The following CEP162 variants were observed in gnomAD, a reference collection of about 807,000 sequenced individuals.
CEP162 encodes centrosomal protein 162, also known as centrosomal protein of 162 kDa.
Under a neutral mutation model 169.2 loss-of-function variants are expected in CEP162, and 141 were observed. That is an observed-to-expected ratio of 0.83 (90% CI 0.73 to 0.96). CEP162 has a LOEUF of 0.96. CEP162 is among the 40% of genes least tolerant of loss of function. CEP162 has a pLI of 0.00. For synonymous variants in CEP162, 540 were observed against 526.4 expected, an observed-to-expected ratio of 1.03 and a Z score of -0.35; for missense variants, 1,600 against 1,587.2, an observed-to-expected ratio of 1.01 and a Z score of -0.14.
chr6:84,205,461 A>C (rs545071732), intron 6 of CEP162, among the ~76,000 whole-genome samples: 20 of 152,356 alleles, frequency 1.3e-4, no homozygotes, highest in Non-Finnish European at 2.6e-4. Flanking sequence ...AGAGCCAAAA[A>C]CAAAAACCAC....
intron 8 of CEP162, among the ~76,000 whole-genome samples, chr6:84,201,283 CAACAAACA>C (rs143611774): frequency 1.9e-4 from 29 of 151,374 alleles, no homozygotes; most frequent in African/African-American, 3.9e-4. Flanking sequence ...GTCTCACAAA[CAACAAACA>C]AACAAACAAA....
At chr6:84,179,254 T>G (rs1051142285) in intron 13 of CEP162, among the ~76,000 whole-genome samples, 1 of 152,158 alleles carries the variant, frequency 6.6e-6, no homozygotes, top group Admixed American at 6.6e-5. Flanking sequence ...CCACAATTGT[T>G]GAACTAGTTT....
chr6:84,134,286 G>A (rs1053098651), intron 25 of CEP162, among the ~76,000 whole-genome samples: 3 of 152,192 alleles, frequency 2.0e-5, no homozygotes, highest in Non-Finnish European at 4.4e-5. Context: ...ATCTTAGCTT[G>A]CTGGGCTCTG....
intron 6 of CEP162, among the ~76,000 whole-genome samples, chr6:84,212,390 T>C (rs965139731): frequency 1.3e-5 from 2 of 152,032 alleles, no homozygotes; most frequent in Admixed American, 6.5e-5. Context: ...AAGAAAAACG[T>C]TGACAAAAAT....
intron 21 of CEP162, among the ~76,000 whole-genome samples, chr6:84,159,836 C>T (rs1360192868): frequency 6.6e-6 from 1 of 151,798 alleles, no homozygotes; most frequent in Non-Finnish European, 1.5e-5. Flanking sequence ...CCTGCCTCTG[C>T]CTCCCAAAGT....
At chr6:84,143,047 T>C (rs542145664) in intron 25 of CEP162, among the ~76,000 whole-genome samples, 1 of 152,060 alleles carries the variant, frequency 6.6e-6, no homozygotes, top group Non-Finnish European at 1.5e-5. Flanking sequence ...GTTTTATGTT[T>C]GTAAAAAAAA....
chr6:84,176,187 T>A (rs1459167764), intron 13 of CEP162, among the ~76,000 whole-genome samples: 1 of 152,202 alleles, frequency 6.6e-6, no homozygotes, highest in African/African-American at 2.4e-5. Flanking sequence ...AGATGCTTTT[T>A]AAATGTAGAG....
rs746461034 is a variant in CEP162 at position 84,134,917 on chromosome 6, TATACAC to T, written c.3871-8411_3871-8406del. Among the ~76,000 whole-genome samples, 16 of 73,572 alleles carry T rather than the reference TATACAC, an allele frequency of 2.2e-4. No individual in the cohort carries two copies. In the East Asian group the frequency reaches 2.5e-3, roughly 11 times the overall value. The allele number at this position is 73,572 out of a possible 152,430, so 48.3% of individuals were successfully genotyped here. On this transcript the variant is annotated intron_variant, in intron 25 of 26. Transcript: ENST00000403245. Reference sequence around the variant, plus strand: ...TATATACTGTCATGAAAAGATCATATATACACACACACACACACACACACACACACA... The same window carrying T: ...TATATACTGTCATGAAAAGATCATATACACACACACACACACACACACACA...
At chr6:84,137,035 A>C (rs546164365) in intron 25 of CEP162, among the ~76,000 whole-genome samples, 2 of 152,354 alleles carry the variant, frequency 1.3e-5, no homozygotes, top group Non-Finnish European at 2.9e-5. Flanking sequence ...TGCAAGGATT[A>C]GTATAAGAGA....
intron 14 of CEP162, 49 bp downstream of exon 14, chr6:84,175,163 AAT>A: frequency 5.7e-6 from 7 of 1,238,500 alleles, no homozygotes; most frequent in Non-Finnish European, 7.7e-6. Flanking sequence ...ATTTAGTTTT[AAT>A]ATAATTTTAG....
chr6:84,214,032 A>C (rs1489798503), intron 5 of CEP162, among the ~76,000 whole-genome samples: 1 of 152,230 alleles, frequency 6.6e-6, no homozygotes, highest in Admixed American at 6.5e-5. Context: ...TAATCCCAGC[A>C]CTTTGGGAGG....
At chr6:84,211,454 G>A (rs899220090) in intron 6 of CEP162, among the ~76,000 whole-genome samples, 1 of 150,276 alleles carries the variant, frequency 6.7e-6, no homozygotes, top group Non-Finnish European at 1.5e-5. Flanking sequence ...ATGAGCCCGG[G>A]AGGCGGAGCT....
chr6:84,224,724 T>TA, intron 2 of CEP162, among the ~76,000 whole-genome samples: 1 of 151,634 alleles, frequency 6.6e-6, no homozygotes, highest in Non-Finnish European at 1.5e-5. Context: ...TGAGGATGGA[T>TA]ATAAGAGGAA....
At chr6:84,181,129 C>T (rs1048647100) in intron 13 of CEP162, among the ~76,000 whole-genome samples, 1 of 152,182 alleles carries the variant, frequency 6.6e-6, no homozygotes, top group Non-Finnish European at 1.5e-5. Flanking sequence ...GTAACCAAAA[C>T]AGCATGGTAC....
In CEP162 at chr6:84,131,984, C is replaced by T. The variant is rs1301414393; in HGVS notation, c.3871-5472G>A. Among the ~76,000 whole-genome samples the T allele has an allele frequency of 2.6e-5, 4 of 152,106 alleles. No individual in the cohort carries two copies. In the South Asian group the frequency reaches 6.2e-4, roughly 24 times the overall value. On this transcript the variant is annotated intron_variant, in intron 25 of 26. Transcript: ENST00000403245. ...TGTTTTAGCAGTGGCTGGTACCAGTCGTTCCTTTCCACGTTTAGTGCTTCC... is the reference window on the plus strand; with the variant it reads ...TGTTTTAGCAGTGGCTGGTACCAGTTGTTCCTTTCCACGTTTAGTGCTTCC...
At chr6:84,211,929 GA>G (rs975228694) in intron 6 of CEP162, among the ~76,000 whole-genome samples, 3 of 144,344 alleles carry the variant, frequency 2.1e-5, no homozygotes, top group Non-Finnish European at 1.5e-5. Context: ...TGAAAATAGA[GA>G]AAAAAAATAC....
At position 84,126,127 on chromosome 6, in the gene CEP162, C is replaced by A. The variant is rs1407236374; in HGVS notation, c.4005+251G>T. On this transcript the variant is annotated intron_variant, in intron 26 of 26. Transcript: ENST00000403245. ...GTAAGATGTGTAAGTTTTTAGGAAT[C>A]CATCAATAATTAAGAACATGATACA... is the stretch of plus-strand genomic sequence containing the variant. Among the ~76,000 whole-genome samples, 4 of 152,116 alleles carry A rather than the reference C, an allele frequency of 2.6e-5. No individual in the cohort carries two copies. The East Asian group carries it at 7.7e-4, about 29-fold the overall frequency.
chr6:84,204,096 T>C lies in CEP162; in HGVS notation c.572A>G (p.Glu191Gly), dbSNP rs758601954. Reference sequence around the variant, plus strand: ...ATCTTCAAAATCATCACTGTAATTTTCTGAAGAAAGTAATTTTTAAAAGTA... The same window carrying C: ...ATCTTCAAAATCATCACTGTAATTTCCTGAAGAAAGTAATTTTTAAAAGTA... ...ENESKHEELAENYSDDFEDEY... is the reference protein window; with the variant it reads ...ENESKHEELAGNYSDDFEDEY... The change falls in exon 7 of 27, where the codon GAA (glutamate) becomes GGA (glycine). Residue 191 changes from glutamate (E) to glycine (G), a missense_variant and splice_region_variant. Coordinates refer to ENST00000403245, the MANE Select transcript of CEP162 (RefSeq NM_014895.4). The C allele has an allele frequency of 6.4e-7, 1 of 1,566,610 alleles. No homozygotes were observed. Among genetic ancestry groups the C allele is most frequent in the East Asian group, 2.2e-5 (1 of 44,454 alleles).
intron 23 of CEP162, 32 bp downstream of exon 23, chr6:84,152,513 T>C (rs1391609069): frequency 5.9e-6 from 7 of 1,181,286 alleles, no homozygotes; most frequent in Admixed American, 3.4e-5. Flanking sequence ...TTTTTATTTT[T>C]ACAAATATTT....
Sources: gnomAD v4.1 joint callset for allele counts (sites outside exome capture counted in the v4.1 genomes callset) on GRCh38, gnomAD v4.1.1 for gene constraint, MANE v1.5 for transcripts, NCBI Gene and HGNC (gene_info 2026-07-23, HGNC 2026-07-21) for gene names.